Variants in FBRSL1 observed in about 807,000 individuals in gnomAD.
FBRSL1 encodes the protein fibrosin-1-like protein.
Under a neutral mutation model 89.6 loss-of-function variants are expected in FBRSL1, and 51 were observed. The observed-to-expected ratio is 0.57, with a 90% CI of 0.45 to 0.72. The LOEUF is 0.72. Ranked by LOEUF, FBRSL1 falls within the 30% of genes least tolerant of loss-of-function variation. FBRSL1 has a pLI of 0.00. For synonymous variants in FBRSL1, 779 were observed against 681.1 expected, an observed-to-expected ratio of 1.14 and a Z score of -2.24; for missense variants, 1,618 against 1,451.8, an observed-to-expected ratio of 1.11 and a Z score of -1.86.
intron 5 of FBRSL1, chr12:132,550,706 G>A (rs1367613930): frequency 6.5e-6 from 1 of 152,862 alleles, no homozygotes; most frequent in African/African-American, 2.4e-5. Flanking sequence ...GAGGAGCCCA[G>A]AGCCGGCAGC....
intron 15 of FBRSL1, among the ~76,000 whole-genome samples, chr12:132,578,848 G>C (rs544884686): frequency 6.6e-6 from 1 of 152,396 alleles, no homozygotes; most frequent in South Asian, 2.1e-4. Context: ...GTGCCCAGCA[G>C]CCACATGAGG....
chr12:132,531,314 G>T (rs552531829), intron 4 of FBRSL1, among the ~76,000 whole-genome samples: 14 of 152,266 alleles, frequency 9.2e-5, no homozygotes, highest in Non-Finnish European at 2.1e-4. Context: ...CTTCCCTGAG[G>T]CCTCAGACTC....
rs925784714 is a variant in FBRSL1, at chr12:132,499,867, C to T, written c.292-8286C>T. Among the ~76,000 whole-genome samples the T allele has an allele frequency of 2.0e-5, 3 of 152,154 alleles. No homozygotes were observed. The highest frequency in any genetic ancestry group is 7.2e-5 in the African/African-American group (3 of 41,434). On this transcript the variant is annotated intron_variant, in intron 1 of 18. Coordinates refer to ENST00000680143, the MANE Select transcript of FBRSL1 (RefSeq NM_001367871.1). The surrounding 1 kb of genome is among the most constrained non-coding windows in gnomAD (Gnocchi z 4.3). ...GAGGGACAGAACGGCCTCTGAGCCC[C>T]AGCTCCGTTGGCGCAGCAGAGCTGT...
rs1024725533 is a variant in FBRSL1, at chr12:132,511,780, G to A, written c.489+3430G>A. On this transcript the variant is annotated intron_variant, in intron 2 of 18. Transcript: ENST00000680143. Reference sequence around the variant, plus strand: ...GGACCCCACCCCCGCAGGCCCTCCCGGGTCCTGACCAGCCTCTGGTGCAGC... The same window carrying A: ...GGACCCCACCCCCGCAGGCCCTCCCAGGTCCTGACCAGCCTCTGGTGCAGC... 3.1e-5 allele frequency: 31 copies of A among 985,336 alleles called. No homozygotes were observed. The East Asian group carries it at 6.8e-4, about 22-fold the overall frequency. 61.0% of individuals were successfully genotyped at this position (985,336 alleles called of 1,614,324 possible).
At chr12:132,501,266 T>C (rs1333878010) in intron 1 of FBRSL1, among the ~76,000 whole-genome samples, 1 of 152,220 alleles carries the variant, frequency 6.6e-6, no homozygotes, top group Non-Finnish European at 1.5e-5. Flanking sequence ...ACAGCTGGAC[T>C]AGAATTCCGG....
chr12:132,543,734 C>T (rs959551429), intron 4 of FBRSL1, among the ~76,000 whole-genome samples: 4 of 152,224 alleles, frequency 2.6e-5, no homozygotes, highest in Admixed American at 6.5e-5. Flanking sequence ...GCATCCCCAC[C>T]GCATAGCCAC....
At chr12:132,565,508 T>TGTACACGTACCCAAGTGTGCTCAC (rs1566214397) in intron 5 of FBRSL1, 91 of 30,700 alleles carry the variant, frequency 3.0e-3, no homozygotes, top group African/African-American at 0.024. Flanking sequence ...ACTGTCCTCA[T>TGTACACGTACCCAAGTGTGCTCAC]GTACACGTAC....
chr12:132,572,646 G>A (rs930549646), intron 11 of FBRSL1, 24 bp downstream of exon 11: 9 of 1,512,180 alleles, frequency 6.0e-6, no homozygotes, highest in Non-Finnish European at 7.2e-6. Flanking sequence ...TGGCAGGTGG[G>A]GCGGGCACAG....
chr12:132,569,936 T>G lies in FBRSL1; in HGVS notation c.702T>G (p.Leu234=). ...FAPGTDKGPA[L]EKSEAKAGPV... Reference sequence around the variant, plus strand: ...ACCCTCTCTCTGCAGGCCCAGCGCTTGAGAAGTCGGAGGCCAAGGCCGGGC... The same window carrying G: ...ACCCTCTCTCTGCAGGCCCAGCGCTGGAGAAGTCGGAGGCCAAGGCCGGGC... Residue 234 remains leucine (L), a synonymous_variant, in exon 7 of 19, where the codon CTT becomes CTG. Coordinates refer to ENST00000680143, the MANE Select transcript of FBRSL1 (RefSeq NM_001367871.1). The G allele has an allele frequency of 7.1e-7, 1 of 1,411,508 alleles. No individual in the cohort carries two copies. 87.4% of individuals were successfully genotyped at this position (1,411,508 alleles called of 1,614,324 possible).
At chr12:132,508,026 C>G in intron 1 of FBRSL1, 127 bp from the exon 2 acceptor site, 2 of 950,414 alleles carry the variant, frequency 2.1e-6, no homozygotes, top group Non-Finnish European at 3.1e-6. Context: ...AGCCATCTTC[C>G]TTTCCCTCTG....
At chr12:132,580,277 A>C (rs1227940753) in intron 15 of FBRSL1, among the ~76,000 whole-genome samples, 1 of 152,052 alleles carries the variant, frequency 6.6e-6, no homozygotes, top group Non-Finnish European at 1.5e-5. Context: ...TAGTAGAGAC[A>C]TGGTTTCACC....
chr12:132,556,465 T>C (rs2038647738), intron 5 of FBRSL1, among the ~76,000 whole-genome samples: 1 of 151,978 alleles, frequency 6.6e-6, no homozygotes, highest in South Asian at 2.1e-4. Context: ...GTTCGTCCTG[T>C]GGGACGCTCC....
At chr12:132,520,830 G>A (rs1458736837) in intron 2 of FBRSL1, among the ~76,000 whole-genome samples, 3 of 152,220 alleles carry the variant, frequency 2.0e-5, no homozygotes, top group Non-Finnish European at 2.9e-5. Context: ...CGAAGGCAGC[G>A]GAGAGAGGTA....
chr12:132,527,508 G>A (rs2035883188), intron 3 of FBRSL1, among the ~76,000 whole-genome samples: 1 of 152,242 alleles, frequency 6.6e-6, no homozygotes, highest in South Asian at 2.1e-4. Flanking sequence ...CAGCCCTCGT[G>A]GCCCCTGCCT....
intron 4 of FBRSL1, among the ~76,000 whole-genome samples, chr12:132,547,571 C>T (rs1443301043): frequency 1.4e-5 from 2 of 146,064 alleles, no homozygotes; most frequent in African/African-American, 5.1e-5. Context: ...TGCCATCGAT[C>T]CCCTCAGGGG....
chr12:132,504,961 C>T (rs941685894), intron 1 of FBRSL1, among the ~76,000 whole-genome samples: 4 of 152,172 alleles, frequency 2.6e-5, no homozygotes, highest in African/African-American at 9.7e-5. Context: ...GAAATTCTGT[C>T]TCTAGTAAAA....
At chr12:132,571,443 C>T in intron 9 of FBRSL1, 1 of 1,550,796 alleles carries the variant, frequency 6.4e-7, no homozygotes, top group East Asian at 2.4e-5. Flanking sequence ...AGCACACGCA[C>T]CAACACACAC....
chr12:132,492,749 C>T (rs78041463), intron 1 of FBRSL1, among the ~76,000 whole-genome samples: 2 of 152,226 alleles, frequency 1.3e-5, no homozygotes, highest in African/African-American at 4.8e-5. Flanking sequence ...TCTGCTGCTG[C>T]GTGGCGTTAA....
chr12:132,536,603 A>G (rs1233075354), intron 4 of FBRSL1, among the ~76,000 whole-genome samples: 2 of 148,270 alleles, frequency 1.3e-5, no homozygotes, highest in Non-Finnish European at 3.0e-5. Context: ...CGTGTACATG[A>G]CGGTGTGTGT....
Sources: allele counts gnomAD v4.1 joint callset (sites outside exome capture counted in the v4.1 genomes callset), GRCh38; gene constraint gnomAD v4.1.1; non-coding constraint Gnocchi (gnomAD v3.1); transcripts MANE v1.5; gene names NCBI Gene and HGNC (gene_info 2026-07-23, HGNC 2026-07-21).